Variants in RIT2 observed in about 807,000 individuals in gnomAD.
RIT2 encodes the protein GTP-binding protein Rit2.
Under a neutral mutation model 23.7 loss-of-function variants are expected in RIT2, and 24 were observed. The ratio of observed to expected loss-of-function variants is 1.01; its 90% confidence interval spans 0.73 to 1.43. RIT2 has a LOEUF of 1.43. Among genes scored for constraint, RIT2 ranks in the 40% most tolerant of loss-of-function variants. The pLI, the probability that RIT2 is intolerant of heterozygous loss-of-function variation, is 0.00. For missense variants in RIT2, 236 were observed against 266.9 expected (o/e 0.88, Z 0.81); for synonymous variants, 107 against 91.1 (o/e 1.17, Z -0.99).
intron 4 of RIT2, among the ~76,000 whole-genome samples, chr18:42,763,787 TTTC>T (rs959365690): frequency 3.3e-5 from 5 of 152,168 alleles, no homozygotes; most frequent in Non-Finnish European, 5.9e-5. Flanking sequence ...TACAAAATAT[TTTC>T]TTTTCTTCTA....
chr18:42,908,400 G>A (rs1365554551), intron 4 of RIT2, among the ~76,000 whole-genome samples: 1 of 152,152 alleles, frequency 6.6e-6, no homozygotes, highest in African/African-American at 2.4e-5. Context: ...CTGGCTGAAA[G>A]CCTCCCAAAT....
Position 42,854,855 on chromosome 18 carries a change from C to G in RIT2, c.426+68717G>C, listed in dbSNP as rs563164104. On this transcript the variant is annotated intron_variant, in intron 4 of 4. Transcript: ENST00000326695. ...TACTGAGTAATCCCAACTATTTGCC[C>G]TTCCTGCAGGACCCAACTTAAAATC... is the stretch of plus-strand genomic sequence containing the variant. Among the ~76,000 whole-genome samples the G allele has an allele frequency of 2.0e-5, 3 of 152,258 alleles. No individual in the cohort carries two copies. In the East Asian group the frequency reaches 5.8e-4, roughly 29 times the overall value.
chr18:42,892,599 T>C (rs643999), intron 4 of RIT2, among the ~76,000 whole-genome samples: 141,466 of 152,288 alleles, frequency 0.93, 65,735 homozygotes, highest in East Asian at 0.99. Context: ...CAAAGCACAA[T>C]GCTTGAAAAT....
chr18:42,836,588 A>C (rs2144017145), intron 4 of RIT2, among the ~76,000 whole-genome samples: 1 of 152,268 alleles, frequency 6.6e-6, no homozygotes, highest in South Asian at 2.1e-4. Context: ...TACTAACAAA[A>C]GTTTTCCTCA....
intron 2 of RIT2, among the ~76,000 whole-genome samples, chr18:42,982,437 T>A (rs1054942100): frequency 6.6e-6 from 1 of 152,116 alleles, no homozygotes; most frequent in Non-Finnish European, 1.5e-5. Context: ...AAATAATGCT[T>A]TACCAGGCTT....
chr18:42,996,917 G>T (rs574719387), intron 2 of RIT2, among the ~76,000 whole-genome samples: 6 of 152,098 alleles, frequency 3.9e-5, no homozygotes, highest in Non-Finnish European at 8.8e-5. Flanking sequence ...CCTAGACCTA[G>T]CTCTTATTCC....
chr18:43,075,944 C>T (rs764333517), intron 1 of RIT2, among the ~76,000 whole-genome samples: 12 of 152,064 alleles, frequency 7.9e-5, no homozygotes, highest in African/African-American at 7.2e-5. Context: ...AGGGTATTTG[C>T]GAGATCCTGC....
chr18:42,902,689 G>A (rs1342516844), intron 4 of RIT2, among the ~76,000 whole-genome samples: 3 of 151,546 alleles, frequency 2.0e-5, no homozygotes, highest in Non-Finnish European at 3.0e-5. Context: ...AAATAAATAT[G>A]TTTGTGGAAA....
In RIT2 at chr18:43,115,516, C is replaced by G. The variant is rs772590756; in HGVS notation, c.4G>C (p.Glu2Gln). The G allele has an allele frequency of 6.2e-7, 1 of 1,611,166 alleles. No homozygotes were observed. The highest frequency in any genetic ancestry group is 8.5e-7 in the Non-Finnish European group (1 of 1,179,086). ...GAGCAGCTGGCTTCATTTTCTACCT[C>G]CATCTTACCCGAGGGACCGGAGGAA... Reference protein sequence around the residue: MEVENEASCSPG... With the variant: MQVENEASCSPG... Residue 2 changes from glutamate (E) to glutamine (Q), a missense_variant, in exon 1 of 5, where the codon GAG becomes CAG. Physicochemically the swap from Glu to Gln is conservative, Grantham distance 29 (BLOSUM62 2). Transcript: ENST00000326695.
intron 3 of RIT2, among the ~76,000 whole-genome samples, chr18:42,932,768 C>G (rs540573012): frequency 6.6e-6 from 1 of 152,136 alleles, no homozygotes; most frequent in South Asian, 2.1e-4. Context: ...TTTTCTAATC[C>G]CTTCTACATC....
chr18:43,050,849 T>C (rs1176213033), intron 1 of RIT2, among the ~76,000 whole-genome samples: 1 of 152,048 alleles, frequency 6.6e-6, no homozygotes, highest in Non-Finnish European at 1.5e-5. Flanking sequence ...AGGGAGGGCA[T>C]TGAAGCTCCA....
At chr18:42,904,226 C>G (rs191041825) in intron 4 of RIT2, among the ~76,000 whole-genome samples, 15 of 152,106 alleles carry the variant, frequency 9.9e-5, no homozygotes, top group Admixed American at 3.9e-4. Flanking sequence ...ATTAGATAAG[C>G]CTTAATTGTC....
chr18:43,056,395 C>T (rs943943690), intron 1 of RIT2, among the ~76,000 whole-genome samples: 3 of 152,028 alleles, frequency 2.0e-5, no homozygotes, highest in Admixed American at 6.6e-5. Flanking sequence ...CAAGATTGTG[C>T]AGACACTGTC....
At chr18:42,963,273 C>T (rs144369897) in intron 3 of RIT2, among the ~76,000 whole-genome samples, 12 of 152,252 alleles carry the variant, frequency 7.9e-5, no homozygotes, top group African/African-American at 2.9e-4. Context: ...TTATTTTCTT[C>T]TGCAATTGAT....
chr18:42,870,979 T>C (rs1287736635), intron 4 of RIT2, among the ~76,000 whole-genome samples: 2 of 152,208 alleles, frequency 1.3e-5, no homozygotes, highest in Non-Finnish European at 2.9e-5. Flanking sequence ...ACAACTCTGT[T>C]ATTATCACCC....
intron 1 of RIT2, among the ~76,000 whole-genome samples, chr18:43,039,381 T>C (rs968622338): frequency 4.7e-5 from 7 of 149,562 alleles, no homozygotes; most frequent in Non-Finnish European, 1.0e-4. Context: ...TGAGTTTTGC[T>C]CCTGTTGGCC....
At position 42,933,892 on chromosome 18, in the gene RIT2, C is replaced by T. The variant is rs185068762; in HGVS notation, c.235-10129G>A. Reference sequence around the variant, plus strand: ...AATTAGCTGGGCGTGGTGATGCATGCCTGTAATCCCAGCTACTCGGGAGGC... The same window carrying T: ...AATTAGCTGGGCGTGGTGATGCATGTCTGTAATCCCAGCTACTCGGGAGGC... On this transcript the variant is annotated intron_variant, in intron 3 of 4. Coordinates refer to ENST00000326695, the MANE Select transcript of RIT2 (RefSeq NM_002930.4). 2.3e-3 allele frequency among the ~76,000 whole-genome samples: 355 copies of T among 151,956 alleles called. No individual in the cohort carries two copies. In the Middle Eastern group the frequency reaches 0.027, roughly 12 times the overall value.
At chr18:43,090,528 C>T (rs1475073564) in intron 1 of RIT2, among the ~76,000 whole-genome samples, 1 of 152,028 alleles carries the variant, frequency 6.6e-6, no homozygotes, top group Non-Finnish European at 1.5e-5. Flanking sequence ...GTTATATACC[C>T]AAAGGAATGT....
intron 4 of RIT2, among the ~76,000 whole-genome samples, chr18:42,911,582 TTA>T (rs1908771045): frequency 6.6e-6 from 1 of 152,008 alleles, no homozygotes; most frequent in Admixed American, 6.6e-5. Flanking sequence ...TCTTACAACA[TTA>T]TGTTATGTGC....
Sources: gnomAD v4.1 joint callset for allele counts (sites outside exome capture counted in the v4.1 genomes callset) on GRCh38, gnomAD v4.1.1 for gene constraint, MANE v1.5 for transcripts, NCBI Gene and HGNC (gene_info 2026-07-23, HGNC 2026-07-21) for gene names.